The following PCDHGA10 variants were observed in gnomAD, a reference collection of about 807,000 sequenced individuals.
The protein encoded by PCDHGA10 is protocadherin gamma subfamily A, 10.
A neutral mutation model predicts 59.5 loss-of-function variants in PCDHGA10; 42 were observed. The observed-to-expected ratio is 0.71, with a 90% CI of 0.55 to 0.91. The LOEUF (loss-of-function observed/expected upper bound fraction) is 0.91. Ranked by LOEUF, PCDHGA10 falls within the 40% of genes least tolerant of loss-of-function variation. PCDHGA10 has a pLI of 0.00. For synonymous variants in PCDHGA10, 511 were observed against 517.2 expected (o/e 0.99, Z 0.16); for missense variants, 1,111 against 1,198.2 (o/e 0.93, Z 1.07).
intron 1 of PCDHGA10, among the ~76,000 whole-genome samples, chr5:141,455,439 C>T (rs966470257): frequency 1.3e-5 from 2 of 152,126 alleles, no homozygotes; most frequent in East Asian, 1.9e-4. Context: ...AGGAGGTCCC[C>T]ATCTACCGCG....
chr5:141,453,931 G>T (rs61228273), intron 1 of PCDHGA10, among the ~76,000 whole-genome samples: 2 of 152,306 alleles, frequency 1.3e-5, no homozygotes, highest in African/African-American at 4.8e-5. Flanking sequence ...GTCACTGTGT[G>T]CCTATAATTT....
chr5:141,451,955 A>T (rs1004010741), intron 1 of PCDHGA10, among the ~76,000 whole-genome samples: 2 of 152,196 alleles, frequency 1.3e-5, no homozygotes, highest in Admixed American at 1.3e-4. Flanking sequence ...CGAGAAAGTG[A>T]CATACCATCA....
rs1482322150 is a variant in PCDHGA10, at chr5:141,485,119, C to T, written c.2437-9688C>T. On this transcript the variant is annotated intron_variant, in intron 1 of 3. Transcript: ENST00000398610. This position sits in a 1 kb window ranked among gnomAD's most constrained non-coding sequence, Gnocchi z 5.7. ...CTCCAGCTGCTGTGGCTGTTTGGGGCGGGTCGGCTTCATCCGCGTCTCAGG... is the reference window on the plus strand; with the variant it reads ...CTCCAGCTGCTGTGGCTGTTTGGGGTGGGTCGGCTTCATCCGCGTCTCAGG... 9.8e-6 allele frequency: 13 copies of T among 1,328,806 alleles called. No individual in the cohort carries two copies. The East Asian group carries it at 1.8e-4, about 19-fold the overall frequency. 82.3% of individuals were successfully genotyped at this position (1,328,806 alleles called of 1,614,324 possible). A position where few individuals can be genotyped will look rare whatever the true frequency, so the allele number is the denominator to read the frequency against.
chr5:141,432,016 C>G lies in PCDHGA10; in HGVS notation c.2436+16405C>G. 1 of 1,614,202 alleles carries G rather than the reference C, an allele frequency of 6.2e-7. No individual in the cohort carries two copies. The highest frequency in any genetic ancestry group is 1.1e-5 in the South Asian group (1 of 91,082). ...ATAGGGAACAGGTTCCTAGCTACAACATCACAGTGACCGCCACTGACCGGG... is the reference window on the plus strand; with the variant it reads ...ATAGGGAACAGGTTCCTAGCTACAAGATCACAGTGACCGCCACTGACCGGG... On this transcript the variant is annotated intron_variant, in intron 1 of 3. Coordinates refer to ENST00000398610, the MANE Select transcript of PCDHGA10 (RefSeq NM_018913.3). The surrounding 1 kb of genome is among the most constrained non-coding windows in gnomAD (Gnocchi z 6.0).
At chr5:141,441,325 T>C (rs961263461) in intron 1 of PCDHGA10, 1 of 152,192 alleles carries the variant, frequency 6.6e-6, no homozygotes, top group African/African-American at 2.4e-5. Flanking sequence ...AGAAAAATCT[T>C]CCTCCAATAA....
At chr5:141,417,213 G>A (rs1470553702) in intron 1 of PCDHGA10, 2 of 152,108 alleles carry the variant, frequency 1.3e-5, no homozygotes, top group African/African-American at 4.8e-5. Context: ...GGCTAGAATT[G>A]AAGACAAAAA....
At chr5:141,419,086 C>G (rs2096324558) in intron 1 of PCDHGA10, 1 of 1,613,808 alleles carries the variant, frequency 6.2e-7, no homozygotes, top group African/African-American at 1.3e-5. Context: ...CAGATGAGGC[C>G]CTGGATCGGG....
chr5:141,485,687 C>T lies in PCDHGA10; in HGVS notation c.2437-9120C>T. 1 of 1,614,066 alleles carries T rather than the reference C, an allele frequency of 6.2e-7. No individual in the cohort carries two copies. Among genetic ancestry groups the T allele is most frequent in the Non-Finnish European group, 8.5e-7 (1 of 1,179,966 alleles). ...GAGCAATTCGATTAGCAGCTATAGG[C>T]TGAGCTCCAATGAACACTTTGCACT... On this transcript the variant is annotated intron_variant, in intron 1 of 3. Transcript: ENST00000398610. The surrounding 1 kb of genome is among the most constrained non-coding windows in gnomAD (Gnocchi z 5.7).
intron 1 of PCDHGA10, among the ~76,000 whole-genome samples, chr5:141,492,862 G>A (rs2099744602): frequency 6.6e-6 from 1 of 152,198 alleles, no homozygotes. Context: ...GAGCGCCCTG[G>A]CTCTCAACCC....
Position 141,487,642 on chromosome 5 carries a change from G to A in PCDHGA10, c.2437-7165G>A, listed in dbSNP as rs747328649. 1.2e-6 allele frequency: 2 copies of A among 1,614,130 alleles called. No individual in the cohort carries two copies. The highest frequency in any genetic ancestry group is 1.3e-5 in the African/African-American group (1 of 75,062). On this transcript the variant is annotated intron_variant, in intron 1 of 3. Transcript: ENST00000398610. This position sits in a 1 kb window ranked among gnomAD's most constrained non-coding sequence, Gnocchi z 5.0. ...TGAGACCTTTGCAGGCTCAACAAAT[G>A]CTTGAGGGTTATTCTGATCCAGGCA...
rs946434728 is a variant in PCDHGA10, at chr5:141,428,357, C to A, written c.2436+12746C>A. On this transcript the variant is annotated intron_variant, in intron 1 of 3. Coordinates refer to ENST00000398610, the MANE Select transcript of PCDHGA10 (RefSeq NM_018913.3). ...CTCTTCTTCCTCGCAGTGATTTTGG[C>A]GGTCGCCTTGCACCTGCGATGCTCT... is the stretch of plus-strand genomic sequence containing the variant. The A allele has an allele frequency of 1.2e-5, 7 of 565,506 alleles. No individual in the cohort carries two copies. The East Asian group carries it at 2.0e-4, about 16-fold the overall frequency. The allele number at this position is 565,506 out of a possible 1,614,324, so 35.0% of individuals were successfully genotyped here.
At chr5:141,422,942 G>A (rs199976232) in intron 1 of PCDHGA10, 5 of 1,614,096 alleles carry the variant, frequency 3.1e-6, no homozygotes, top group Non-Finnish European at 4.2e-6. Flanking sequence ...CCCACAGACG[G>A]CTCCACTGGC....
chr5:141,427,710 G>T, intron 1 of PCDHGA10: 2 of 1,033,628 alleles, frequency 1.9e-6, no homozygotes, highest in South Asian at 2.6e-5. Context: ...CAGCGCCTCT[G>T]ACCTGGACCT....
Position 141,489,819 on chromosome 5 carries a change from G to T in PCDHGA10, c.2437-4988G>T. On this transcript the variant is annotated intron_variant, in intron 1 of 3. Transcript: ENST00000398610. This position sits in a 1 kb window ranked among gnomAD's most constrained non-coding sequence, Gnocchi z 4.5. ...TAAAAGATGGGAAGCCATTCCCAGA[G>T]CTGGTGCTAGAGCAGCAGCTGGATC... 6.2e-7 allele frequency: 1 copy of T among 1,614,190 alleles called. No homozygotes were observed.
At chr5:141,434,952 C>T (rs1362599956) in intron 1 of PCDHGA10, among the ~76,000 whole-genome samples, 2 of 151,756 alleles carry the variant, frequency 1.3e-5, no homozygotes, top group East Asian at 3.9e-4. Flanking sequence ...AATTTATTAA[C>T]AATTTATAAA....
intron 1 of PCDHGA10, among the ~76,000 whole-genome samples, chr5:141,450,572 T>C (rs1276283357): frequency 6.6e-6 from 1 of 151,710 alleles, no homozygotes; most frequent in Non-Finnish European, 1.5e-5. Context: ...CTGCAACTTC[T>C]GCCTCCCAGG....
chr5:141,466,819 C>A (rs2099130454), intron 1 of PCDHGA10, among the ~76,000 whole-genome samples: 1 of 152,068 alleles, frequency 6.6e-6, no homozygotes, highest in Non-Finnish European at 1.5e-5. Context: ...CATGGTATAA[C>A]AAGTTAGTAT....
chr5:141,447,360 A>G (rs1471046883), intron 1 of PCDHGA10, among the ~76,000 whole-genome samples: 1 of 151,914 alleles, frequency 6.6e-6, no homozygotes, highest in Non-Finnish European at 1.5e-5. Context: ...GCTGGTCTCA[A>G]ACTCCTGACC....
intron 1 of PCDHGA10, chr5:141,421,835 G>A (rs755889809): frequency 5.6e-6 from 9 of 1,613,746 alleles, no homozygotes; most frequent in Non-Finnish European, 6.8e-6. Context: ...AGCCTGGACC[G>A]AGAGAAAGAG....
Sources: allele counts gnomAD v4.1 joint callset (sites outside exome capture counted in the v4.1 genomes callset), GRCh38; gene constraint gnomAD v4.1.1; non-coding constraint Gnocchi (gnomAD v3.1); transcripts MANE v1.5; gene names NCBI Gene and HGNC (gene_info 2026-07-23, HGNC 2026-07-21).